Variants in PLK5 observed in about 807,000 individuals in gnomAD.
The protein encoded by PLK5 is inactive serine/threonine-protein kinase PLK5.
Under a neutral mutation model 33.7 loss-of-function variants are expected in PLK5, and 28 were observed. The observed-to-expected ratio is 0.83, with a 90% CI of 0.62 to 1.14. PLK5 has a LOEUF of 1.14. Among genes scored for constraint, PLK5 ranks in the 50% most tolerant of loss-of-function variants. The pLI, the probability that PLK5 is intolerant of heterozygous loss-of-function variation, is 0.00. For synonymous variants in PLK5, 225 were observed against 202.2 expected (o/e 1.11, Z -0.96); for missense variants, 492 against 461.5 (o/e 1.07, Z -0.61).
intron 7 of PLK5, 67 bp downstream of exon 7, chr19:1,528,201 G>A: frequency 6.6e-7 from 1 of 1,519,680 alleles, no homozygotes; most frequent in East Asian, 2.5e-5. Context: ...GCCAGAGCCT[G>A]CCCTGCTCAG....
At chr19:1,527,595 C>T (rs1913777335) in intron 6 of PLK5, among the ~76,000 whole-genome samples, 1 of 142,134 alleles carries the variant, frequency 7.0e-6, no homozygotes, top group African/African-American at 2.5e-5. Flanking sequence ...GAATGAGACC[C>T]TGTCTTTAAA....
rs934374815 is a variant in PLK5 at position 1,529,314 on chromosome 19, G to A, written c.406-92G>A. ...TGCCTCTGTGTGCAGAGCACGGAGGGCACAGGCAGGGGCCAGAGCCTGCCA... is the reference window on the plus strand; with the variant it reads ...TGCCTCTGTGTGCAGAGCACGGAGGACACAGGCAGGGGCCAGAGCCTGCCA... On this transcript the variant is annotated intron_variant, in intron 9 of 13. Transcript: ENST00000454744. 1.6e-5 allele frequency: 18 copies of A among 1,151,004 alleles called. No individual in the cohort carries two copies. The African/African-American group carries it at 2.8e-4, about 18-fold the overall frequency. 71.3% of individuals were successfully genotyped at this position (1,151,004 alleles called of 1,614,324 possible). A position where few individuals can be genotyped will look rare whatever the true frequency, so the allele number is the denominator to read the frequency against.
At chr19:1,530,000 G>A (rs1913880902) in intron 11 of PLK5, among the ~76,000 whole-genome samples, 176 bp downstream of exon 11, 1 of 152,100 alleles carries the variant, frequency 6.6e-6, no homozygotes, top group South Asian at 2.1e-4. Flanking sequence ...TGCAGAGCCT[G>A]GCACGGAGGG....
chr19:1,527,954 C>T lies in PLK5; in HGVS notation c.21C>T (p.Gly7=). ...GGCCCAGGTACACGGTGCTGACTGG[C>T]ACCCCACCCTTCATGGCCTCACCCC... MYTVLT[G]TPPFMASPLS... The change falls in exon 7 of 14, where the codon GGC becomes GGT. Residue 7 remains glycine (G), a synonymous_variant. Coordinates refer to ENST00000454744, the MANE Select transcript of PLK5 (RefSeq NM_001243079.2). 2.0e-6 allele frequency: 3 copies of T among 1,535,458 alleles called. No individual in the cohort carries two copies. Among genetic ancestry groups the T allele is most frequent in the Non-Finnish European group, 2.6e-6 (3 of 1,146,440 alleles).
intron 8 of PLK5, 41 bp from the exon 9 acceptor site, chr19:1,528,857 G>A (rs754554571): frequency 1.4e-6 from 2 of 1,436,626 alleles, no homozygotes; most frequent in African/African-American, 1.4e-5. Flanking sequence ...CCAGCTTGGG[G>A]CCCAGGCTGT....
Position 1,535,261 on chromosome 19 carries a change from G to T in PLK5, c.*11G>T. On this transcript the variant is annotated 3_prime_UTR_variant, in exon 14 of 14. Coordinates refer to ENST00000454744, the MANE Select transcript of PLK5 (RefSeq NM_001243079.2). ...CTGCAGAGTATCTAGTGCCCCTGAG[G>T]GTCAGAGTGGACCCCTGCATGGTAG... 6.5e-7 allele frequency: 1 copy of T among 1,533,778 alleles called. No homozygotes were observed. The highest frequency in any genetic ancestry group is 8.7e-7 in the Non-Finnish European group (1 of 1,145,608).
intron 3 of PLK5, among the ~76,000 whole-genome samples, chr19:1,526,271 G>A (rs1425847793): frequency 6.6e-6 from 1 of 151,502 alleles, no homozygotes; most frequent in Non-Finnish European, 1.5e-5. Flanking sequence ...GTGCGGGGCC[G>A]GGGCCGGGCA....
chr19:1,524,148 C>T lies in PLK5; in HGVS notation c.-642C>T, dbSNP rs902474780. 2.0e-5 allele frequency: 3 copies of T among 150,694 alleles called. No homozygotes were observed. The highest frequency in any genetic ancestry group is 3.9e-4 in the East Asian group (2 of 5,184). 9.3% of individuals were successfully genotyped at this position (150,694 alleles called of 1,614,324 possible). The stretch of plus-strand genomic sequence containing the variant: ...CGCCAGAGTCCGCGCGATGGAGCCC[C>T]GGCCGCGGCGGCGGCGCAGGAGTCG... On this transcript the variant is annotated 5_prime_UTR_variant, in exon 1 of 14. Coordinates refer to ENST00000454744, the MANE Select transcript of PLK5 (RefSeq NM_001243079.2). This position sits in a 1 kb window ranked among gnomAD's most constrained non-coding sequence, Gnocchi z 4.5.
At chr19:1,530,150 T>A (rs904745179) in intron 11 of PLK5, among the ~76,000 whole-genome samples, 2 of 151,906 alleles carry the variant, frequency 1.3e-5, no homozygotes, top group African/African-American at 4.8e-5. Flanking sequence ...GGGGGACCCC[T>A]CTTATCCCCA....
chr19:1,531,631 G>GCC, intron 11 of PLK5, 107 bp from the exon 12 acceptor site: 1 of 1,352,044 alleles, frequency 7.4e-7, no homozygotes, highest in South Asian at 1.5e-5. Flanking sequence ...TCCGGTCCCC[G>GCC]CCGTGGGAAG....
At position 1,531,838 on chromosome 19, in the gene PLK5, G is replaced by T; in HGVS notation, c.669G>T (p.Gly223=). Residue 223 remains glycine (G), a synonymous_variant, in exon 12 of 14, where the codon GGG becomes GGT. Transcript: ENST00000454744. ...KYGFGYQLLD[G]GRTGRHPHGP... ...GCTTTGGCTACCAGCTCTTGGACGG[G>T]GGGCGCACGGGACGGCACCCACATG... 6.5e-7 allele frequency: 1 copy of T among 1,531,750 alleles called. No homozygotes were observed. The highest frequency in any genetic ancestry group is 8.7e-7 in the Non-Finnish European group (1 of 1,144,764). 94.9% of individuals were successfully genotyped at this position (1,531,750 alleles called of 1,614,324 possible).
chr19:1,526,811 C>G lies in PLK5; in HGVS notation c.-95+20C>G. 1.4e-6 allele frequency: 1 copy of G among 725,802 alleles called. No individual in the cohort carries two copies. The highest frequency in any genetic ancestry group is 2.3e-6 in the Non-Finnish European group (1 of 427,448). 45.0% of individuals were successfully genotyped at this position (725,802 alleles called of 1,614,324 possible). ...CCACAGGTGAGAGCCGGGGGGAGGG[C>G]TCTGAGCAGTCCGTCCGGGTGGGCA... is the stretch of plus-strand genomic sequence containing the variant. On this transcript the variant is annotated intron_variant, in intron 5 of 13. Coordinates refer to ENST00000454744, the MANE Select transcript of PLK5 (RefSeq NM_001243079.2).
intron 13 of PLK5, 85 bp from the exon 14 acceptor site, chr19:1,534,980 G>A: frequency 7.9e-7 from 1 of 1,263,494 alleles, no homozygotes. Flanking sequence ...TGGGTCCAGT[G>A]TCCACTTGTC....
rs781656661 is a variant in PLK5 at position 1,527,926 on chromosome 19, C to A, written c.3-10C>A. 7 of 1,531,168 alleles carry A rather than the reference C, an allele frequency of 4.6e-6. No individual in the cohort carries two copies. The East Asian group carries it at 1.7e-4, about 38-fold the overall frequency. 94.8% of individuals were successfully genotyped at this position (1,531,168 alleles called of 1,614,324 possible). A position where few individuals can be genotyped will look rare whatever the true frequency, so the allele number is the denominator to read the frequency against. On this transcript the variant is annotated splice_polypyrimidine_tract_variant and intron_variant, in intron 6 of 13. Transcript: ENST00000454744. Reference sequence around the variant, plus strand: ...TGGACACCCAGGTTCTTGCCCCCCACCTGGCCCAGGTACACGGTGCTGACT... The same window carrying A: ...TGGACACCCAGGTTCTTGCCCCCCAACTGGCCCAGGTACACGGTGCTGACT...
intron 8 of PLK5, among the ~76,000 whole-genome samples, chr19:1,528,644 T>C (rs192508763): frequency 0.14 from 2,999 of 21,542 alleles, 585 homozygotes; most frequent in East Asian, 0.55. Flanking sequence ...TGCCCACACC[T>C]CCCACCTGCC....
chr19:1,534,815 TAAAAA>T (rs33945378), intron 13 of PLK5, among the ~76,000 whole-genome samples: 370 of 146,028 alleles, frequency 2.5e-3, no homozygotes, highest in Admixed American at 5.2e-3. Flanking sequence ...GGACTCTGTT[TAAAAA>T]AAAAAAAAAG....
chr19:1,533,965 G>C lies in PLK5; in HGVS notation c.749G>C (p.Gly250Ala), dbSNP rs1468267388. ...GTLPTPVPPA[G>A]PGLCLLRFLA... The stretch of plus-strand genomic sequence containing the variant: ...CTCCCCACACCTGTGCCACCTGCTG[G>C]ACCCGGCCTCTGCCTCCTGCGCTTC... The change falls in exon 13 of 14, where the codon GGA (glycine) becomes GCA (alanine). Residue 250 changes from glycine (G) to alanine (A), a missense_variant. Transcript: ENST00000454744. The C allele has an allele frequency of 6.5e-7, 1 of 1,534,844 alleles. No homozygotes were observed. The highest frequency in any genetic ancestry group is 2.0e-5 in the Admixed American group (1 of 50,998).
At chr19:1,531,704 ACCCCTGG>A in intron 11 of PLK5, 27 bp from the exon 12 acceptor site, 1 of 1,533,558 alleles carries the variant, frequency 6.5e-7, no homozygotes. Flanking sequence ...CTGACCCCTG[ACCCCTGG>A]CTCAGCATAC....
At chr19:1,532,027 A>G in intron 12 of PLK5, 144 bp downstream of exon 12, 1 of 953,946 alleles carries the variant, frequency 1.0e-6, no homozygotes, top group Non-Finnish European at 1.4e-6. Flanking sequence ...TAAACGAATC[A>G]GCAAGTGCGT....
Sources: gnomAD v4.1 joint callset for allele counts (sites outside exome capture counted in the v4.1 genomes callset) on GRCh38, gnomAD v4.1.1 for gene constraint, Gnocchi (gnomAD v3.1) non-coding constraint, MANE v1.5 for transcripts, NCBI Gene and HGNC (gene_info 2026-07-23, HGNC 2026-07-21) for gene names.